IFT81: variants seen among roughly 807,000 people sequenced by gnomAD.
IFT81 encodes the protein intraflagellar transport 81.
Under a neutral mutation model 102.6 loss-of-function variants are expected in IFT81, and 72 were observed. The observed-to-expected ratio is 0.70, with a 90% confidence interval of 0.58 to 0.85. The LOEUF is 0.85. Ranked by LOEUF, IFT81 falls within the 40% of genes least tolerant of loss-of-function variation. The pLI is 0.00. For synonymous variants in IFT81, 237 were observed against 242.7 expected (o/e 0.98, Z 0.22); for missense variants, 723 against 787.3 (o/e 0.92, Z 0.98).
chr12:110,136,400 T>C (rs1197603645), intron 7 of IFT81, among the ~76,000 whole-genome samples: 1 of 152,236 alleles, frequency 6.6e-6, no homozygotes, highest in Non-Finnish European at 1.5e-5. Flanking sequence ...GCCTAAGCCC[T>C]GAATGGTTAC....
chr12:110,209,338 T>G (rs1869103962), intron 18 of IFT81, 122 bp downstream of exon 18: 1 of 428,034 alleles, frequency 2.3e-6, no homozygotes, highest in African/African-American at 2.0e-5. Context: ...GGGAAATTGT[T>G]CATTCATTTT....
intron 10 of IFT81, among the ~76,000 whole-genome samples, chr12:110,158,545 T>C (rs1895966491): frequency 6.6e-6 from 1 of 152,034 alleles, no homozygotes; most frequent in South Asian, 2.1e-4. Context: ...CTCATATTTT[T>C]CCTTTAGATG....
At chr12:110,155,110 T>G (rs970946642) in intron 10 of IFT81, among the ~76,000 whole-genome samples, 3 of 152,250 alleles carry the variant, frequency 2.0e-5, no homozygotes, top group African/African-American at 4.8e-5. Context: ...ATTGAACCTT[T>G]TATTAATAAT....
Position 110,147,041 on chromosome 12 carries a change from G to C in IFT81, c.1034G>C (p.Arg345Thr), listed in dbSNP as rs200471390. 1.9e-6 allele frequency: 3 copies of C among 1,604,378 alleles called. No individual in the cohort carries two copies. In the East Asian group the frequency reaches 6.7e-5, roughly 36 times the overall value. ...ATTGAAGGCAAACTCTCACTGTATAGGCAACAGGTAAGAACATTCTTTTGG... is the reference window on the plus strand; with the variant it reads ...ATTGAAGGCAAACTCTCACTGTATACGCAACAGGTAAGAACATTCTTTTGG... ...EPIEGKLSLY[R>T]QQASIISRKK... is the part of the protein sequence containing the mutation. Residue 345 changes from arginine to threonine, a missense_variant, in exon 10 of 19, where the codon AGG (arginine) becomes ACG (threonine). Transcript: ENST00000242591.
intron 11 of IFT81, among the ~76,000 whole-genome samples, chr12:110,163,917 A>G (rs899199903): frequency 2.6e-5 from 4 of 151,976 alleles, no homozygotes; most frequent in African/African-American, 4.8e-5. Context: ...CCCGGCCCCA[A>G]ATTTTCACTT....
At position 110,168,507 on chromosome 12, in the gene IFT81, G is replaced by A. The variant is rs188064764; in HGVS notation, c.1188+5442G>A. ...ACGCAGCTTTAAAAAATGCATAAAC[G>A]ATTATACTACATTAATTTTTTTAAA... is the stretch of plus-strand genomic sequence containing the variant. On this transcript the variant is annotated intron_variant, in intron 11 of 18. Transcript: ENST00000242591. 5.6e-3 allele frequency: 5,123 copies of A among 914,736 alleles called. 21 individuals carry two copies. Among genetic ancestry groups the A allele is most frequent in the South Asian group, 8.4e-3 (166 of 19,826 alleles). 56.7% of individuals were successfully genotyped at this position (914,736 alleles called of 1,614,324 possible).
chr12:110,184,738 C>G (rs55929416), intron 12 of IFT81, among the ~76,000 whole-genome samples: 1 of 152,056 alleles, frequency 6.6e-6, no homozygotes, highest in African/African-American at 2.4e-5. Flanking sequence ...TTTGGTCAGG[C>G]TGATGGAGAG....
At chr12:110,188,344 T>C (rs1214519412) in intron 12 of IFT81, among the ~76,000 whole-genome samples, 2 of 148,264 alleles carry the variant, frequency 1.3e-5, no homozygotes, top group East Asian at 4.0e-4. Context: ...AAAAAAAAAA[T>C]TAAAAAAAAA....
chr12:110,167,501 C>T (rs188117619), intron 11 of IFT81, among the ~76,000 whole-genome samples: 3 of 152,166 alleles, frequency 2.0e-5, no homozygotes, highest in East Asian at 3.9e-4. Flanking sequence ...GAGATTACAC[C>T]CTGCTAACAT....
In IFT81 at chr12:110,205,690, T is replaced by G; in HGVS notation, c.1802+10T>G. 1 of 1,548,598 alleles carries G rather than the reference T, an allele frequency of 6.5e-7. No individual in the cohort carries two copies. ...AAAGAAAGGCAATTAGGCAAGTGAT[T>G]TTGTTGTTTTATATTGAGATACTTA... On this transcript the variant is annotated intron_variant, in intron 17 of 18. Coordinates refer to ENST00000242591, the MANE Select transcript of IFT81 (RefSeq NM_014055.4).
intron 9 of IFT81, among the ~76,000 whole-genome samples, chr12:110,145,711 A>G (rs957769878): frequency 9.2e-5 from 14 of 152,118 alleles, no homozygotes; most frequent in Non-Finnish European, 2.1e-4. Flanking sequence ...CTGGGATTAC[A>G]GGTGTGAGCC....
chr12:110,142,717 T>A (rs1442697661), intron 8 of IFT81, among the ~76,000 whole-genome samples: 1 of 151,524 alleles, frequency 6.6e-6, no homozygotes, highest in Non-Finnish European at 1.5e-5. Context: ...TGGCAAAACC[T>A]CGTCTCTACA....
At chr12:110,198,100 T>C (rs1898096851) in intron 14 of IFT81, among the ~76,000 whole-genome samples, 1 of 152,230 alleles carries the variant, frequency 6.6e-6, no homozygotes, top group Non-Finnish European at 1.5e-5. Context: ...ATTTCCTGTT[T>C]AGATTTACCT....
At position 110,129,058 on chromosome 12, in the gene IFT81, T is replaced by C. The variant is rs1894016086; in HGVS notation, c.357T>C (p.Ala119=). Residue 119 remains alanine (A), a synonymous_variant, in exon 4 of 19, where the codon GCT becomes GCC. Transcript: ENST00000242591. ...AACTGAAGAAAAGAGCATATTTAGC[T>C]CGTTTTTTAATAAAACTTGAGGTAC... ...TNELKKRAYL[A]RFLIKLEVPS... The C allele has an allele frequency of 6.2e-7, 1 of 1,606,366 alleles. No homozygotes were observed. Among genetic ancestry groups the C allele is most frequent in the Non-Finnish European group, 8.5e-7 (1 of 1,178,178 alleles).
At chr12:110,173,411 T>C (rs1896879170) in intron 11 of IFT81, among the ~76,000 whole-genome samples, 1 of 151,432 alleles carries the variant, frequency 6.6e-6, no homozygotes, top group South Asian at 2.1e-4. Context: ...CGGCCGCCCC[T>C]ACTGGGAAGT....
At chr12:110,167,846 T>C in intron 11 of IFT81, 1 of 308,592 alleles carries the variant, frequency 3.2e-6, no homozygotes, top group Non-Finnish European at 6.1e-6. Flanking sequence ...TATTTAGGTT[T>C]CTTTTTTTTT....
chr12:110,173,259 A>T (rs1386754997), intron 11 of IFT81, among the ~76,000 whole-genome samples: 17 of 143,746 alleles, frequency 1.2e-4, no homozygotes, highest in Admixed American at 1.4e-4. Context: ...CCGGGAGGTG[A>T]GGGGCGCCTC....
At chr12:110,192,202 C>G (rs73205088) in intron 13 of IFT81, among the ~76,000 whole-genome samples, 2,133 of 151,092 alleles carry the variant, frequency 0.014, 18 homozygotes, top group Middle Eastern at 0.031. Flanking sequence ...ATTCATCTCT[C>G]TGATTGGTGT....
At chr12:110,193,107 G>A (rs1272756917) in intron 14 of IFT81, among the ~76,000 whole-genome samples, 1 of 152,150 alleles carries the variant, frequency 6.6e-6, no homozygotes, top group Non-Finnish European at 1.5e-5. Flanking sequence ...GGATTGCAGT[G>A]AGCCATGATC....
Sources: gnomAD v4.1 joint callset for allele counts (sites outside exome capture counted in the v4.1 genomes callset) on GRCh38, gnomAD v4.1.1 for gene constraint, MANE v1.5 for transcripts, NCBI Gene and HGNC (gene_info 2026-07-23, HGNC 2026-07-21) for gene names.